The following CACNA1H variants were observed in gnomAD, a reference collection of about 807,000 sequenced individuals.
CACNA1H encodes voltage-dependent T-type calcium channel subunit alpha-1H.
CACNA1H carries 149 observed loss-of-function variants against 192.5 expected under a neutral mutation model. The observed-to-expected ratio is 0.77, with a 90% CI of 0.68 to 0.89. CACNA1H has a LOEUF of 0.89. Ranked by LOEUF, CACNA1H falls within the 40% of genes least tolerant of loss-of-function variation. CACNA1H has a pLI of 0.00. For missense variants in CACNA1H, 4,257 were observed against 3,423.5 expected (o/e 1.24, Z -6.08); for synonymous variants, 2,202 against 1,475.2 (o/e 1.49, Z -11.29).
At chr16:1,174,486 G>A (rs1314564659) in intron 2 of CACNA1H, among the ~76,000 whole-genome samples, 2 of 152,120 alleles carry the variant, frequency 1.3e-5, no homozygotes, top group African/African-American at 2.4e-5. Context: ...CCTGGACTCT[G>A]CAGGGTGGCA....
intron 2 of CACNA1H, among the ~76,000 whole-genome samples, chr16:1,165,146 G>C (rs1300766214): frequency 6.6e-6 from 1 of 152,158 alleles, no homozygotes; most frequent in Non-Finnish European, 1.5e-5. Context: ...AGTGGGTGGG[G>C]GTGCGGCAGG....
chr16:1,198,568 A>G, intron 5 of CACNA1H, 47 bp from the exon 6 acceptor site: 2 of 1,599,856 alleles, frequency 1.3e-6, no homozygotes, highest in South Asian at 1.1e-5. Context: ...CCCCGAGGAC[A>G]CTCCTGCAGG....
At chr16:1,218,755 A>AGG in intron 33 of CACNA1H, 104 bp downstream of exon 33, 2 of 1,230,438 alleles carry the variant, frequency 1.6e-6, no homozygotes, top group Non-Finnish European at 2.3e-6. Flanking sequence ...GCAGGGCAAG[A>AGG]GGAAGGATGG....
At chr16:1,165,604 C>T (rs1347086076) in intron 2 of CACNA1H, among the ~76,000 whole-genome samples, 2 of 152,118 alleles carry the variant, frequency 1.3e-5, no homozygotes, top group Admixed American at 6.5e-5. Flanking sequence ...CGGCCCGGAG[C>T]TGAGGCACCC....
At chr16:1,219,595 T>C (rs1014969710) in intron 34 of CACNA1H, among the ~76,000 whole-genome samples, 2 of 152,208 alleles carry the variant, frequency 1.3e-5, no homozygotes. Flanking sequence ...CTTCCTGCCC[T>C]TTCCTACCTC....
intron 2 of CACNA1H, among the ~76,000 whole-genome samples, chr16:1,163,712 C>A (rs994165109): frequency 6.6e-5 from 10 of 152,218 alleles, no homozygotes; most frequent in Admixed American, 6.5e-5. Flanking sequence ...CTGAGGATGG[C>A]TTAGGGTACT....
At position 1,204,038 on chromosome 16, in the gene CACNA1H, G is replaced by A. The variant is rs3751663; in HGVS notation, c.2031G>A (p.Ser677=). Residue 677 remains serine (S), a synonymous_variant, in exon 10 of 35, where the codon TCG becomes TCA. Coordinates refer to ENST00000348261, the MANE Select transcript of CACNA1H (RefSeq NM_021098.3). The stretch of plus-strand genomic sequence containing the variant: ...TGGGCCAGGCCCCTGGCCATCTGTC[G>A]GGCCTCAGTGTGCCCTGCCCCCTGC... The part of the protein sequence containing the change: ...HGLGQAPGHL[S]GLSVPCPLPS... The A allele has an allele frequency of 3.1e-5, 49 of 1,572,514 alleles. No individual in the cohort carries two copies. In the East Asian group the frequency reaches 7.1e-4, roughly 23 times the overall value.
chr16:1,208,832 A>G (rs1041599798), intron 16 of CACNA1H, among the ~76,000 whole-genome samples, 200 bp from the exon 17 acceptor site: 1 of 152,262 alleles, frequency 6.6e-6, no homozygotes, highest in Non-Finnish European at 1.5e-5. Flanking sequence ...CACCCCCGCG[A>G]GGCGGACACC....
intron 34 of CACNA1H, among the ~76,000 whole-genome samples, 186 bp from the exon 35 acceptor site, chr16:1,219,795 G>A (rs2141404602): frequency 6.6e-6 from 1 of 151,802 alleles, no homozygotes; most frequent in East Asian, 2.0e-4. Context: ...AGCCTCACAG[G>A]TCAGGAGTGA....
At chr16:1,200,874 G>T (rs1473143896) in intron 8 of CACNA1H, 66 bp downstream of exon 8, 10 of 1,264,618 alleles carry the variant, frequency 7.9e-6, no homozygotes, top group Non-Finnish European at 1.1e-5. Context: ...GTGGGGTGGG[G>T]TACCTGGGTG....
At chr16:1,181,727 C>T (rs1338024845) in intron 2 of CACNA1H, among the ~76,000 whole-genome samples, 1 of 152,160 alleles carries the variant, frequency 6.6e-6, no homozygotes, top group Non-Finnish European at 1.5e-5. Flanking sequence ...GTGCTGCGAG[C>T]CAACCTCTCC....
At position 1,200,496 on chromosome 16, in the gene CACNA1H, C is replaced by T. The variant is rs1042437133; in HGVS notation, c.1044C>T (p.Arg348=). 4 of 1,612,286 alleles carry T rather than the reference C, an allele frequency of 2.5e-6. No individual in the cohort carries two copies. Among genetic ancestry groups the T allele is most frequent in the African/African-American group, 1.3e-5 (1 of 75,050 alleles). The change falls in exon 7 of 35, where the codon CGC becomes CGT. Residue 348 remains arginine, a synonymous_variant. Transcript: ENST00000348261. ...GGAACCAGTACTACAACGTGTGCCG[C>T]TCGGGTGACTCCAACCCCCACAACG... ...INWNQYYNVC[R]SGDSNPHNGA...
chr16:1,184,143 C>T (rs1408557700), intron 2 of CACNA1H, among the ~76,000 whole-genome samples: 1 of 152,236 alleles, frequency 6.6e-6, no homozygotes, highest in African/African-American at 2.4e-5. Context: ...CAGGGCATCA[C>T]TCCTGCCCAC....
chr16:1,190,840 G>A (rs1281168604), intron 2 of CACNA1H, among the ~76,000 whole-genome samples: 1 of 151,470 alleles, frequency 6.6e-6, no homozygotes, highest in Non-Finnish European at 1.5e-5. Context: ...CCGTCAGGCT[G>A]GCCTGGCTGT....
At chr16:1,201,635 G>A in intron 8 of CACNA1H, 28 bp from the exon 9 acceptor site, 1 of 1,538,022 alleles carries the variant, frequency 6.5e-7, no homozygotes, top group Non-Finnish European at 8.8e-7. Flanking sequence ...CTCACTCACT[G>A]CCACTTACCC....
chr16:1,198,062 TCAGA>T (rs1348070516), intron 5 of CACNA1H, among the ~76,000 whole-genome samples: 13 of 152,258 alleles, frequency 8.5e-5, no homozygotes, highest in African/African-American at 1.7e-4. Flanking sequence ...TCACTGGGAA[TCAGA>T]CAAAGTTTTC....
At chr16:1,210,333 G>GGC in intron 18 of CACNA1H, 37 bp from the exon 19 acceptor site, 1 of 1,320,232 alleles carries the variant, frequency 7.6e-7, no homozygotes. Flanking sequence ...CATCCACGCC[G>GGC]CCCCGCCCCA....
chr16:1,153,674 G>A, intron 1 of CACNA1H, 46 bp from the exon 2 acceptor site: 1 of 1,126,044 alleles, frequency 8.9e-7, no homozygotes, highest in South Asian at 4.5e-5. Flanking sequence ...GGGAGGCAGG[G>A]CGGGGGCGTC....
rs758995587 is a variant in CACNA1H, at chr16:1,210,016, C to G, written c.3745-19C>G. 1 of 1,536,906 alleles carries G rather than the reference C, an allele frequency of 6.5e-7. No homozygotes were observed. Among genetic ancestry groups the G allele is most frequent in the Non-Finnish European group, 8.8e-7 (1 of 1,138,502 alleles). On this transcript the variant is annotated intron_variant, in intron 17 of 34. Coordinates refer to ENST00000348261, the MANE Select transcript of CACNA1H (RefSeq NM_021098.3). ...GCAGGCAGGCGCAGGCTCTGAGAAG[C>G]CGCCGCCTCATCCCACAGAGCTGCT...
Sources: allele counts gnomAD v4.1 joint callset (sites outside exome capture counted in the v4.1 genomes callset), GRCh38; gene constraint gnomAD v4.1.1; transcripts MANE v1.5; gene names NCBI Gene and HGNC (gene_info 2026-07-23, HGNC 2026-07-21).